HIVEP3: variants seen among roughly 807,000 people sequenced by gnomAD.
HIVEP3 encodes transcription factor HIVEP3.
HIVEP3 carries 49 observed loss-of-function variants against 152.8 expected under a neutral mutation model. That is an observed-to-expected ratio of 0.32 (90% confidence interval 0.26 to 0.41). The LOEUF (loss-of-function observed/expected upper bound fraction) is 0.41, where lower values mean the gene tolerates loss of function less well. HIVEP3 is among the 10% of genes least tolerant of loss of function. HIVEP3 has a pLI of 1.00. For synonymous variants in HIVEP3, 1,269 were observed against 1,289.0 expected (o/e 0.98, Z 0.33); for missense variants, 2,790 against 3,103.3 (o/e 0.90, Z 2.40).
chr1:41,700,855 TA>T, intron 2 of HIVEP3, 60 bp downstream of exon 2: 1 of 748,518 alleles, frequency 1.3e-6, no homozygotes, highest in Non-Finnish European at 1.6e-6. Context: ...AAACACAGCC[TA>T]ATGGCCTTTG....
chr1:41,524,760 G>A lies in HIVEP3; in HGVS notation c.5358C>T (p.His1786=), dbSNP rs1448930257. The change falls in exon 6 of 9, where the codon CAC becomes CAT. Residue 1786 remains histidine (H), a synonymous_variant. Transcript: ENST00000372583. ...CTTTGGTTTTAAAAGCAAAGTGACA[G>A]TGCTTGCACACATAGGGCCGGACGT... ...HTDVRPYVCK[H]CHFAFKTKGN... is the part of the protein sequence containing the mutation. The A allele has an allele frequency of 6.8e-6, 11 of 1,614,096 alleles. No homozygotes were observed. The South Asian group carries it at 1.2e-4, about 18-fold the overall frequency.
chr1:41,530,877 A>T (rs1643224478), intron 5 of HIVEP3, among the ~76,000 whole-genome samples: 2 of 152,106 alleles, frequency 1.3e-5, no homozygotes, highest in South Asian at 4.1e-4. Context: ...GAGAGAGAGG[A>T]CTCTGAGCCT....
intron 5 of HIVEP3, among the ~76,000 whole-genome samples, chr1:41,545,228 T>C (rs1470088701): frequency 6.1e-4 from 23 of 37,586 alleles, no homozygotes; most frequent in East Asian, 9.2e-4. Flanking sequence ...CCACCATCGC[T>C]ACCATCACCA....
chr1:41,821,697 G>C (rs574522631), intron 1 of HIVEP3, among the ~76,000 whole-genome samples: 15 of 152,324 alleles, frequency 9.8e-5, no homozygotes, highest in African/African-American at 3.6e-4. Context: ...GGCACTGTCT[G>C]AATCCTTCCC....
At chr1:41,564,582 C>A (rs187347027) in intron 5 of HIVEP3, among the ~76,000 whole-genome samples, 218 of 152,234 alleles carry the variant, frequency 1.4e-3, no homozygotes, top group African/African-American at 5.1e-3. Flanking sequence ...GGACTTGGAG[C>A]TTTTAAGAGC....
At position 41,841,293 on chromosome 1, in the gene HIVEP3, A is replaced by G. The variant is rs114121881; in HGVS notation, c.-801+77120T>C. ...AAATACACTTCCATCCAACTCTTCC[A>G]GGATCCCACCTCCATGACCCCAAAC... On this transcript the variant is annotated intron_variant, in intron 1 of 8. Coordinates refer to ENST00000372583, the MANE Select transcript of HIVEP3 (RefSeq NM_024503.5). Among the ~76,000 whole-genome samples, 598 of 152,310 alleles carry G rather than the reference A, an allele frequency of 3.9e-3. 3 individuals are homozygous for G. Among genetic ancestry groups the G allele is most frequent in the African/African-American group, 0.014 (565 of 41,568 alleles).
At chr1:41,803,915 G>A (rs577645209) in intron 1 of HIVEP3, among the ~76,000 whole-genome samples, 1 of 152,276 alleles carries the variant, frequency 6.6e-6, no homozygotes, top group East Asian at 1.9e-4. Flanking sequence ...ACCGCCTATC[G>A]ATTATGTTCC....
chr1:41,936,795 A>G (rs1216910118), intron 1 of HIVEP3, among the ~76,000 whole-genome samples: 2 of 152,212 alleles, frequency 1.3e-5, no homozygotes, highest in African/African-American at 4.8e-5. Context: ...AAGTATTATT[A>G]TACTGGATGA....
chr1:41,621,178 C>T (rs1645041968), intron 3 of HIVEP3, among the ~76,000 whole-genome samples: 2 of 152,214 alleles, frequency 1.3e-5, no homozygotes, highest in South Asian at 2.1e-4. Context: ...TGTGGTGCAC[C>T]CATAGCCATG....
At chr1:41,680,736 C>A (rs12563792) in intron 2 of HIVEP3, among the ~76,000 whole-genome samples, 5,236 of 152,272 alleles carry the variant, frequency 0.034, 129 homozygotes, top group African/African-American at 0.068. Context: ...ATCTGCCGCA[C>A]AATGTTGTAT....
At chr1:41,863,201 T>A (rs1370995160) in intron 1 of HIVEP3, among the ~76,000 whole-genome samples, 1 of 152,108 alleles carries the variant, frequency 6.6e-6, no homozygotes, top group East Asian at 1.9e-4. Flanking sequence ...AGCTGCAGGG[T>A]CAGATCTGCT....
intron 1 of HIVEP3, among the ~76,000 whole-genome samples, chr1:41,748,862 G>A (rs1647112140): frequency 6.6e-6 from 1 of 152,168 alleles, no homozygotes; most frequent in African/African-American, 2.4e-5. Flanking sequence ...TCTGTAAAAT[G>A]GGGATACCAC....
At chr1:41,976,468 C>A (rs944387966) in intron 1 of HIVEP3, among the ~76,000 whole-genome samples, 1 of 152,204 alleles carries the variant, frequency 6.6e-6, no homozygotes, top group African/African-American at 2.4e-5. Flanking sequence ...CTAATTCTGC[C>A]TCTAAGAATT....
chr1:41,534,034 T>C (rs1266535187), intron 5 of HIVEP3, among the ~76,000 whole-genome samples: 3 of 152,084 alleles, frequency 2.0e-5, no homozygotes, highest in Admixed American at 6.5e-5. Flanking sequence ...TCATGCTCCA[T>C]AATCAATCCA....
At chr1:41,931,394 T>A (rs377491263) in intron 1 of HIVEP3, among the ~76,000 whole-genome samples, 142 of 152,198 alleles carry the variant, frequency 9.3e-4, no homozygotes, top group African/African-American at 3.1e-3. Context: ...TTGTCAAAAA[T>A]GAGGTGATTA....
At chr1:41,823,413 T>C (rs968170093) in intron 1 of HIVEP3, among the ~76,000 whole-genome samples, 3 of 152,198 alleles carry the variant, frequency 2.0e-5, no homozygotes, top group African/African-American at 7.2e-5. Context: ...CCAGTCTTAG[T>C]TAGACTGACT....
At chr1:41,974,237 G>A (rs1645246981) in intron 1 of HIVEP3, among the ~76,000 whole-genome samples, 1 of 151,972 alleles carries the variant, frequency 6.6e-6, no homozygotes, top group African/African-American at 2.4e-5. Context: ...CAGGAATTTA[G>A]ACCTGGAGGG....
At chr1:41,857,533 T>A (rs1460432268) in intron 1 of HIVEP3, among the ~76,000 whole-genome samples, 3 of 152,190 alleles carry the variant, frequency 2.0e-5, no homozygotes, top group Non-Finnish European at 4.4e-5. Context: ...CCTGATGATG[T>A]TCTAAAGGAT....
chr1:41,735,805 C>T (rs572506156), intron 1 of HIVEP3, among the ~76,000 whole-genome samples: 2 of 152,300 alleles, frequency 1.3e-5, no homozygotes, highest in South Asian at 4.1e-4. Context: ...AGCCGCCTCT[C>T]GATCTTGGCG....
Sources: gnomAD v4.1 joint callset for allele counts (sites outside exome capture counted in the v4.1 genomes callset) on GRCh38, gnomAD v4.1.1 for gene constraint, MANE v1.5 for transcripts, NCBI Gene and HGNC (gene_info 2026-07-23, HGNC 2026-07-21) for gene names.